Variants in CBX8 observed in about 807,000 individuals in gnomAD.
CBX8 encodes chromobox protein homolog 8.
Under a neutral mutation model 39.7 loss-of-function variants are expected in CBX8, and 8 were observed. The observed-to-expected ratio is 0.20, with a 90% CI of 0.12 to 0.36. The LOEUF (loss-of-function observed/expected upper bound fraction) is 0.36, where lower values mean the gene tolerates loss of function less well. Among genes scored for constraint, CBX8 ranks in the 10% least tolerant of loss-of-function variants. CBX8 has a pLI of 1.00. For synonymous variants in CBX8, 268 were observed against 219.8 expected (o/e 1.22, Z -1.94); for missense variants, 505 against 529.6 (o/e 0.95, Z 0.46).
At position 79,794,823 on chromosome 17, in the gene CBX8, C is replaced by A. The variant is rs768918638; in HGVS notation, c.982G>T (p.Gly328Trp). The change falls in exon 5 of 5, where the codon GGG becomes TGG. Residue 328 changes from glycine (G) to tryptophan (W), a missense_variant. Coordinates refer to ENST00000269385, the MANE Select transcript of CBX8 (RefSeq NM_020649.3). ...CTGGCGATGAGGGAGGGCCTTCCCC[C>A]CTGGGCCCCCATGTCCCGGTACAGG... ...GGLYRDMGAQGGRPSLIARIP... is the reference protein window; with the variant it reads ...GGLYRDMGAQWGRPSLIARIP... The A allele has an allele frequency of 2.5e-6, 4 of 1,610,410 alleles. No individual in the cohort carries two copies. The highest frequency in any genetic ancestry group is 3.4e-6 in the Non-Finnish European group (4 of 1,178,518).
Position 79,795,953 on chromosome 17 carries a change from T to C in CBX8, c.246+104A>G, listed in dbSNP as rs932016933. 4.0e-6 allele frequency: 4 copies of C among 1,000,110 alleles called. No homozygotes were observed. Among genetic ancestry groups the C allele is most frequent in the South Asian group, 2.8e-5 (2 of 70,762 alleles). 62.0% of individuals were successfully genotyped at this position (1,000,110 alleles called of 1,614,324 possible). On this transcript the variant is annotated intron_variant, in intron 4 of 4. Coordinates refer to ENST00000269385, the MANE Select transcript of CBX8 (RefSeq NM_020649.3). The surrounding 1 kb of genome is among the most constrained non-coding windows in gnomAD (Gnocchi z 5.8). The stretch of plus-strand genomic sequence containing the variant: ...AGGGAACTCCCTCCTACATTACAAA[T>C]AGGCAACATGTGTGGACACCCCATT...
In CBX8 at chr17:79,795,118, C is replaced by G. The variant is rs1323398054; in HGVS notation, c.687G>C (p.Arg229Ser). The part of the protein sequence containing the change: ...SAGLGEYLKG[R>S]KLDDTPSGAG... The stretch of plus-strand genomic sequence containing the variant: ...CCCCGGAAGGGGTGTCGTCCAGCTT[C>G]CTGCCCTTGAGGTACTCTCCGAGGC... The change falls in exon 5 of 5, where the codon AGG becomes AGC. Residue 229 changes from arginine (R) to serine (S), a missense_variant. Transcript: ENST00000269385. This position sits in a 1 kb window ranked among gnomAD's most constrained non-coding sequence, Gnocchi z 5.8. 1 of 1,613,462 alleles carries G rather than the reference C, an allele frequency of 6.2e-7. No individual in the cohort carries two copies. Among genetic ancestry groups the G allele is most frequent in the Admixed American group, 1.7e-5 (1 of 59,946 alleles).
At position 79,795,274 on chromosome 17, in the gene CBX8, TTCCCTCTCACGTTCCCGC is replaced by T; in HGVS notation, c.513_530del (p.Glu175_Arg180del). 6.2e-7 allele frequency: 1 copy of T among 1,607,612 alleles called. No individual in the cohort carries two copies. The highest frequency in any genetic ancestry group is 8.5e-7 in the Non-Finnish European group (1 of 1,177,264). The stretch of plus-strand genomic sequence containing the variant: ...CCACTCTGCTGGTACCCCGCTCTCG[TTCCCTCTCACGTTCCCGC>T]TCCCTCTCTCGCTCCCTCTCCCTTT... On this transcript the variant is annotated inframe_deletion, in exon 5 of 5. Transcript: ENST00000269385. The surrounding 1 kb of genome is among the most constrained non-coding windows in gnomAD (Gnocchi z 5.8).
intron 1 of CBX8, 129 bp from the exon 2 acceptor site, chr17:79,796,669 G>A (rs1408509597): frequency 1.9e-6 from 2 of 1,036,420 alleles, no homozygotes; most frequent in Middle Eastern, 2.8e-4. Flanking sequence ...CGCGCCCGCT[G>A]CATCACCCCT....
rs1179759075 is a variant in CBX8, at chr17:79,793,119, G to A, written c.*1516C>T. 1 of 152,246 alleles carries A rather than the reference G, an allele frequency of 6.6e-6. No individual in the cohort carries two copies. Among genetic ancestry groups the A allele is most frequent in the African/African-American group, 2.4e-5 (1 of 41,464 alleles). 9.4% of individuals were successfully genotyped at this position (152,246 alleles called of 1,614,324 possible). A position where few individuals can be genotyped will look rare whatever the true frequency, so the allele number is the denominator to read the frequency against. On this transcript the variant is annotated 3_prime_UTR_variant, in exon 5 of 5. Coordinates refer to ENST00000269385, the MANE Select transcript of CBX8 (RefSeq NM_020649.3). ...GAGTCAAAAGAGGGGCGCGCATTCT[G>A]CGTCCTCGGAGCGCAGAGCGGTCAA...
Position 79,794,492 on chromosome 17 carries a change from G to A in CBX8, c.*143C>T, listed in dbSNP as rs1907991908. On this transcript the variant is annotated 3_prime_UTR_variant, in exon 5 of 5. Coordinates refer to ENST00000269385, the MANE Select transcript of CBX8 (RefSeq NM_020649.3). ...CAAAAACTGAGGGGGAGGAAGGAGGGATGAAAGGGGCTGGTGGGGTGGGGG... is the reference window on the plus strand; with the variant it reads ...CAAAAACTGAGGGGGAGGAAGGAGGAATGAAAGGGGCTGGTGGGGTGGGGG... 3 of 542,416 alleles carry A rather than the reference G, an allele frequency of 5.5e-6. No individual in the cohort carries two copies. The highest frequency in any genetic ancestry group is 3.8e-5 in the African/African-American group (2 of 52,334). 33.6% of individuals were successfully genotyped at this position (542,416 alleles called of 1,614,324 possible).
chr17:79,796,371 G>A, intron 2 of CBX8, 56 bp from the exon 3 acceptor site: 2 of 1,593,528 alleles, frequency 1.3e-6, no homozygotes, highest in African/African-American at 1.3e-5. Context: ...TGAGAGCAGA[G>A]GGGGTGTGTG....
rs1203494142 is a variant in CBX8, at chr17:79,794,885, A to G, written c.920T>C (p.Val307Ala). The G allele has an allele frequency of 1.9e-6, 3 of 1,610,960 alleles. No individual in the cohort carries two copies. Among genetic ancestry groups the G allele is most frequent in the Middle Eastern group, 1.7e-4 (1 of 6,044 alleles). ...GCTGGGGGGGCCTGAGCCATGTCGG[A>G]CCCGGGTGCCATTGGGATCTAGGGC... is the stretch of plus-strand genomic sequence containing the variant. ...QGALDPNGTR[V>A]RHGSGPPSSG... Residue 307 changes from valine (V) to alanine (A), a missense_variant, in exon 5 of 5, where the codon GTC becomes GCC. This residue lies in a region of CBX8 where 456 missense variants were observed against 389.2 expected (regional missense o/e 1.17). Transcript: ENST00000269385.
Position 79,796,963 on chromosome 17 carries a change from C to T in CBX8, c.36G>A (p.Ala12=), listed in dbSNP as rs1386841491. ...TGCGCCGCTTCAGGAGGGCTTCGGC[C>T]GCGAACACCCGCTCCCCCACCGCTG... ...ELSAVGERVF[A]AEALLKRRIR... Residue 12 remains alanine, a synonymous_variant, in exon 1 of 5, where the codon GCG becomes GCA. Coordinates refer to ENST00000269385, the MANE Select transcript of CBX8 (RefSeq NM_020649.3). 1.2e-6 allele frequency: 2 copies of T among 1,610,800 alleles called. No individual in the cohort carries two copies. Among genetic ancestry groups the T allele is most frequent in the Middle Eastern group, 1.6e-4 (1 of 6,078 alleles).
chr17:79,792,991 G>A lies in CBX8; in HGVS notation c.*1644C>T, dbSNP rs1598233761. The A allele has an allele frequency of 1.3e-5, 2 of 152,112 alleles. No homozygotes were observed. The highest frequency in any genetic ancestry group is 4.1e-4 in the South Asian group (2 of 4,824). 9.4% of individuals were successfully genotyped at this position (152,112 alleles called of 1,614,324 possible). On this transcript the variant is annotated 3_prime_UTR_variant, in exon 5 of 5. Transcript: ENST00000269385. ...CCCCTCCCTCAACAAGCAATGGGAA[G>A]TTAGATCTTCGCTGGCCCTTTAAGG...
Position 79,795,331 on chromosome 17 carries a change from C to CCGGTCCCTATCCCGGTCT in CBX8, c.456_473dup (p.Asp153_Arg158dup). ...CCCTCTCCCTTTCTCGATCCCGCTC[C>CCGGTCCCTATCCCGGTCT]CGGTCCCTATCCCGGTCTCGGTCCC... On this transcript the variant is annotated inframe_insertion, in exon 5 of 5. Transcript: ENST00000269385. This position sits in a 1 kb window ranked among gnomAD's most constrained non-coding sequence, Gnocchi z 5.8. The CCGGTCCCTATCCCGGTCT allele has an allele frequency of 1.9e-6, 3 of 1,583,698 alleles. No homozygotes were observed. Among genetic ancestry groups the CCGGTCCCTATCCCGGTCT allele is most frequent in the Non-Finnish European group, 2.6e-6 (3 of 1,163,572 alleles).
intron 1 of CBX8, 27 bp from the exon 2 acceptor site, chr17:79,796,567 GT>G: frequency 6.2e-7 from 1 of 1,613,616 alleles, no homozygotes; most frequent in Non-Finnish European, 8.5e-7. Context: ...GATAATGTGT[GT>G]GCATGGGGAG....
rs1200035551 is a variant in CBX8 at position 79,795,614 on chromosome 17, G to A, written c.247-56C>T. On this transcript the variant is annotated intron_variant, in intron 4 of 4. Transcript: ENST00000269385. The surrounding 1 kb of genome is among the most constrained non-coding windows in gnomAD (Gnocchi z 5.8). ...GGCAGGGCCCTGTCCACCCCCACAG[G>A]ACTCCTCCTCTATCCCTGACCTCCT... 5 of 1,208,920 alleles carry A rather than the reference G, an allele frequency of 4.1e-6. No homozygotes were observed. The highest frequency in any genetic ancestry group is 3.1e-4 in the Middle Eastern group (1 of 3,252). 74.9% of individuals were successfully genotyped at this position (1,208,920 alleles called of 1,614,324 possible).
chr17:79,793,395 CCTT>C lies in CBX8; in HGVS notation c.*1237_*1239del, dbSNP rs916102532. 6.6e-6 allele frequency: 1 copy of C among 152,298 alleles called. No homozygotes were observed. Among genetic ancestry groups the C allele is most frequent in the Non-Finnish European group, 1.5e-5 (1 of 68,056 alleles). The allele number at this position is 152,298 out of a possible 1,614,324, so 9.4% of individuals were successfully genotyped here. On this transcript the variant is annotated 3_prime_UTR_variant, in exon 5 of 5. Transcript: ENST00000269385. ...TGGATGAAAACCCCGCCTCGCCCCT[CCTT>C]CCCGTGCCCGGCCGGAGCCGCGGGG... is the stretch of plus-strand genomic sequence containing the variant.
At position 79,794,040 on chromosome 17, in the gene CBX8, T is replaced by G. The variant is rs368110745; in HGVS notation, c.*595A>C. ...TACTTTTTTCCCTAATAGACTTCTT[T>G]ACCTTAAAAAAAAAAAAATAGAAAA... On this transcript the variant is annotated 3_prime_UTR_variant, in exon 5 of 5. Transcript: ENST00000269385. The G allele has an allele frequency of 6.6e-6, 1 of 151,108 alleles. No homozygotes were observed. Among genetic ancestry groups the G allele is most frequent in the Admixed American group, 6.6e-5 (1 of 15,204 alleles). The allele number at this position is 151,108 out of a possible 1,614,324, so 9.4% of individuals were successfully genotyped here. A position where few individuals can be genotyped will look rare whatever the true frequency, so the allele number is the denominator to read the frequency against.
chr17:79,796,741 T>A (rs753182598), intron 1 of CBX8, among the ~76,000 whole-genome samples, 189 bp downstream of exon 1: 1 of 99,484 alleles, frequency 1.0e-5, no homozygotes, highest in Non-Finnish European at 1.9e-5. Context: ...CCCCCACCCA[T>A]GCAATCCGTG....
intron 2 of CBX8, 26 bp downstream of exon 2, chr17:79,796,471 T>C: frequency 6.2e-7 from 1 of 1,613,874 alleles, no homozygotes; most frequent in Non-Finnish European, 8.5e-7. Flanking sequence ...CAGTCTGGGG[T>C]TGAGAATTGC....
rs779977055 is a variant in CBX8 at position 79,796,123 on chromosome 17, C to T, written c.180G>A (p.Arg60=). The change falls in exon 4 of 5, where the codon AGG becomes AGA. Residue 60 remains arginine (R), a splice_region_variant and synonymous_variant. Transcript: ENST00000269385. ...GGCCATAGAGCTCCATCTCTCTTTC[C>T]CTGGAGAAAGAAGAAAAGGAGAAAG... ...DARLLAAFEE[R]EREMELYGPK... The T allele has an allele frequency of 6.2e-7, 1 of 1,614,088 alleles. No individual in the cohort carries two copies. Among genetic ancestry groups the T allele is most frequent in the Non-Finnish European group, 8.5e-7 (1 of 1,179,992 alleles).
Position 79,795,600 on chromosome 17 carries a change from G to A in CBX8, c.247-42C>T. ...GGTCTCAAGAGTGGGGCAGGGCCCT[G>A]TCCACCCCCACAGGACTCCTCCTCT... On this transcript the variant is annotated intron_variant, in intron 4 of 4. Transcript: ENST00000269385. This position sits in a 1 kb window ranked among gnomAD's most constrained non-coding sequence, Gnocchi z 5.8. 1 of 1,370,896 alleles carries A rather than the reference G, an allele frequency of 7.3e-7. No individual in the cohort carries two copies. 84.9% of individuals were successfully genotyped at this position (1,370,896 alleles called of 1,614,324 possible).
Sources: allele counts gnomAD v4.1 joint callset (sites outside exome capture counted in the v4.1 genomes callset), GRCh38; gene constraint gnomAD v4.1.1; regional missense constraint gnomAD v4.1.1; non-coding constraint Gnocchi (gnomAD v3.1); transcripts MANE v1.5; gene names NCBI Gene and HGNC (gene_info 2026-07-23, HGNC 2026-07-21).